KLHDC4: variants seen among roughly 807,000 people sequenced by gnomAD.
The protein encoded by KLHDC4 is kelch domain-containing protein 4.
In KLHDC4, 90 loss-of-function variants were observed where a neutral mutation model predicts 62.4. The ratio of observed to expected loss-of-function variants is 1.44; its 90% confidence interval spans 1.22 to 1.72. The LOEUF (loss-of-function observed/expected upper bound fraction) is 1.72, where lower values mean the gene tolerates loss of function less well. Among genes scored for constraint, KLHDC4 ranks in the 40% most tolerant of loss-of-function variants. The pLI is 0.00. For synonymous variants in KLHDC4, 386 were observed against 284.4 expected, an observed-to-expected ratio of 1.36 and a Z score of -3.59; for missense variants, 1,025 against 699.7, an observed-to-expected ratio of 1.47 and a Z score of -5.25.
chr16:87,709,575 CT>C lies in KLHDC4; in HGVS notation c.1136del (p.Gln379ArgfsTer61). Reference sequence around the variant, plus strand: ...CCTCCTTGACCAGCTGCACAGGCCCCTGGGTGCCAGCTCCCCCACACGCCGG... The same window carrying C: ...CCTCCTTGACCAGCTGCACAGGCCCCGGGTGCCAGCTCCCCCACACGCCGG... ...SRPACGGAGT[Q>X]GPVQLVKEVV... On this transcript the variant is annotated frameshift_variant, in exon 10 of 12. Transcript: ENST00000270583. LOFTEE classifies it high-confidence loss of function. 1 of 1,613,124 alleles carries C rather than the reference CT, an allele frequency of 6.2e-7. No individual in the cohort carries two copies. Among genetic ancestry groups the C allele is most frequent in the Non-Finnish European group, 8.5e-7 (1 of 1,179,954 alleles).
At chr16:87,725,528 C>A (rs1044953069) in intron 7 of KLHDC4, among the ~76,000 whole-genome samples, 16 of 152,182 alleles carry the variant, frequency 1.1e-4, no homozygotes, top group Non-Finnish European at 1.5e-4. Flanking sequence ...CCGTAAAATT[C>A]TTTCAAAAGT....
intron 8 of KLHDC4, 77 bp downstream of exon 8, chr16:87,714,421 C>G: frequency 6.4e-7 from 1 of 1,570,360 alleles, no homozygotes; most frequent in South Asian, 1.1e-5. Context: ...AGCCCCACAT[C>G]CATGGGAGGG....
chr16:87,735,531 C>T (rs1410032085), intron 5 of KLHDC4, among the ~76,000 whole-genome samples: 2 of 152,236 alleles, frequency 1.3e-5, no homozygotes, highest in Non-Finnish European at 2.9e-5. Context: ...GAGTCTCATC[C>T]TCTGGCTGAC....
At chr16:87,714,291 C>T (rs567218928) in intron 8 of KLHDC4, 8 of 723,234 alleles carry the variant, frequency 1.1e-5, no homozygotes, top group Non-Finnish European at 1.4e-5. Flanking sequence ...ATCATCAATG[C>T]CCCCAAAGGT....
At chr16:87,712,985 C>T (rs1332571995) in intron 8 of KLHDC4, among the ~76,000 whole-genome samples, 2 of 152,212 alleles carry the variant, frequency 1.3e-5, no homozygotes, top group African/African-American at 4.8e-5. Flanking sequence ...TGCCTCCTGG[C>T]ATCACTCTCT....
chr16:87,748,273 C>T (rs1476895600), intron 5 of KLHDC4, among the ~76,000 whole-genome samples: 4 of 152,232 alleles, frequency 2.6e-5, no homozygotes, highest in African/African-American at 9.6e-5. Context: ...ACGGTTTCTA[C>T]ACCAACTCGA....
In KLHDC4 at chr16:87,726,813, G is replaced by A. The variant is rs138238742; in HGVS notation, c.711C>T (p.Ser237=). The change falls in exon 7 of 12, where the codon TCC becomes TCT. Residue 237 remains serine (S), a synonymous_variant. Transcript: ENST00000270583. ...GPTPRSGCQM[S]VTPQGGIVVY... ...CGACGATGCCGCCCTGGGGAGTGACGGACATCTGGCAGCCTGATCTGGGTG... is the reference window on the plus strand; with the variant it reads ...CGACGATGCCGCCCTGGGGAGTGACAGACATCTGGCAGCCTGATCTGGGTG... 5.5e-4 allele frequency: 882 copies of A among 1,610,526 alleles called. 5 individuals are homozygous for A. The Middle Eastern group carries it at 5.8e-3, about 11-fold the overall frequency.
At chr16:87,716,539 G>A (rs374820690) in intron 7 of KLHDC4, among the ~76,000 whole-genome samples, 17 of 152,244 alleles carry the variant, frequency 1.1e-4, no homozygotes, top group African/African-American at 3.6e-4. Context: ...GGCACCACAA[G>A]ATGCTCAATT....
chr16:87,736,824 T>C (rs1214072033), intron 5 of KLHDC4, among the ~76,000 whole-genome samples: 4 of 152,120 alleles, frequency 2.6e-5, no homozygotes, highest in Non-Finnish European at 4.4e-5. Flanking sequence ...TTTATTCTCA[T>C]TTTACAGACA....
chr16:87,728,572 AAAG>A (rs769977659), intron 6 of KLHDC4, among the ~76,000 whole-genome samples: 7 of 152,250 alleles, frequency 4.6e-5, no homozygotes, highest in Non-Finnish European at 8.8e-5. Flanking sequence ...CTGTAAGTTC[AAAG>A]GAGGAAGGGG....
rs1200179488 is a variant in KLHDC4 at position 87,709,555 on chromosome 16, T to C, written c.1157A>G (p.Lys386Arg). ...GGTGCCATCCTCGGCCACCACCTCCTTGACCAGCTGCACAGGCCCCTGGGT... is the reference window on the plus strand; with the variant it reads ...GGTGCCATCCTCGGCCACCACCTCCCTGACCAGCTGCACAGGCCCCTGGGT... ...AGTQGPVQLV[K>R]EVVAEDGTVV... The change falls in exon 10 of 12, where the codon AAG (lysine) becomes AGG (arginine). Residue 386 changes from lysine to arginine, a missense_variant. Physicochemically the swap from Lys to Arg is conservative, Grantham distance 26 (BLOSUM62 2). Transcript: ENST00000270583. 1.2e-6 allele frequency: 2 copies of C among 1,612,922 alleles called. No individual in the cohort carries two copies. Among genetic ancestry groups the C allele is most frequent in the East Asian group, 2.2e-5 (1 of 44,878 alleles).
At chr16:87,709,861 T>C in intron 9 of KLHDC4, 194 bp from the exon 10 acceptor site, 1 of 647,494 alleles carries the variant, frequency 1.5e-6, no homozygotes, top group Middle Eastern at 4.0e-4. Context: ...TGTCTCCCAC[T>C]AGCCTCGCCG....
At chr16:87,712,720 G>A (rs929418853) in intron 8 of KLHDC4, among the ~76,000 whole-genome samples, 9 of 152,346 alleles carry the variant, frequency 5.9e-5, no homozygotes, top group African/African-American at 1.2e-4. Flanking sequence ...TTAACCCTTC[G>A]GGTATTTCTG....
chr16:87,718,164 T>C (rs1485874305), intron 7 of KLHDC4, among the ~76,000 whole-genome samples: 1 of 152,220 alleles, frequency 6.6e-6, no homozygotes, highest in Non-Finnish European at 1.5e-5. Context: ...TCAAAGAAAG[T>C]AACAGACAAC....
chr16:87,700,848 G>GACGTTGGAGGGTGGAGGGAGA (rs2034112797), exon 1 of KLHDC4: 1 of 245,642 alleles, frequency 4.1e-6, no homozygotes, highest in African/African-American at 2.5e-5. Flanking sequence ...GCGGAGGGAG[G>GACGTTGGAGGGTGGAGGGAGA]AGGTTGGAGG....
At chr16:87,749,045 G>A (rs1157190653) in intron 4 of KLHDC4, among the ~76,000 whole-genome samples, 3 of 151,064 alleles carry the variant, frequency 2.0e-5, no homozygotes, top group Admixed American at 6.6e-5. Flanking sequence ...TCCCTAGGTT[G>A]CAAGATAAAC....
At chr16:87,741,259 C>T (rs2143014600) in intron 5 of KLHDC4, among the ~76,000 whole-genome samples, 1 of 152,332 alleles carries the variant, frequency 6.6e-6, no homozygotes. Flanking sequence ...TAGCAGAAGG[C>T]AGCCAGCCAG....
In KLHDC4 at chr16:87,755,302, GGAA is replaced by G. The variant is rs776472069; in HGVS notation, c.271-13_271-11del. ...CGTTATACAAAAAAGTCTACAGGAAGGAAGAAGAATGTCAGTGTCACAAATGAT... is the reference window on the plus strand; with the variant it reads ...CGTTATACAAAAAAGTCTACAGGAAGGAAGAATGTCAGTGTCACAAATGAT... On this transcript the variant is annotated splice_polypyrimidine_tract_variant and intron_variant, in intron 3 of 11. Coordinates refer to ENST00000270583, the MANE Select transcript of KLHDC4 (RefSeq NM_017566.4). 30 of 1,470,828 alleles carry G rather than the reference GGAA, an allele frequency of 2.0e-5. No individual in the cohort carries two copies. Among genetic ancestry groups the G allele is most frequent in the Non-Finnish European group, 2.6e-5 (27 of 1,051,108 alleles). 91.1% of individuals were successfully genotyped at this position (1,470,828 alleles called of 1,614,324 possible).
intron 5 of KLHDC4, among the ~76,000 whole-genome samples, chr16:87,743,469 G>T (rs374783234): frequency 6.6e-6 from 1 of 152,134 alleles, no homozygotes; most frequent in Non-Finnish European, 1.5e-5. Context: ...GCCAGGCGCC[G>T]TGGCTCATGC....
Sources: gnomAD v4.1 joint callset for allele counts (sites outside exome capture counted in the v4.1 genomes callset) on GRCh38, gnomAD v4.1.1 for gene constraint, MANE v1.5 for transcripts, NCBI Gene and HGNC (gene_info 2026-07-23, HGNC 2026-07-21) for gene names.